The following TAFA3 variants were observed in gnomAD, a reference collection of about 807,000 sequenced individuals.
The protein encoded by TAFA3 is chemokine-like protein TAFA-3.
Under a neutral mutation model 20.7 loss-of-function variants are expected in TAFA3, and 17 were observed. The observed-to-expected ratio is 0.82, with a 90% CI of 0.56 to 1.23. The LOEUF (loss-of-function observed/expected upper bound fraction) is 1.23. Ranked by LOEUF, TAFA3 falls within the 50% of genes most tolerant of loss-of-function variation. TAFA3 has a pLI of 0.00. For missense variants in TAFA3, 174 were observed against 172.8 expected (o/e 1.01, Z -0.04); for synonymous variants, 74 against 71.8 (o/e 1.03, Z -0.16).
intron 4 of TAFA3, 63 bp from the exon 5 acceptor site, chr1:112,723,950 C>T (rs757460607): frequency 6.2e-7 from 1 of 1,613,598 alleles, no homozygotes; most frequent in Non-Finnish European, 8.5e-7. Context: ...CGCAGACCTG[C>T]TCTTGGCTGC....
chr1:112,725,473 C>G (rs1388684520), intron 5 of TAFA3, among the ~76,000 whole-genome samples: 3 of 151,662 alleles, frequency 2.0e-5, no homozygotes, highest in African/African-American at 7.3e-5. Flanking sequence ...CTACTTCTAC[C>G]TGAGCTCCAG....
chr1:112,724,816 CAAAAAAAAAAAAAA>C, intron 5 of TAFA3, among the ~76,000 whole-genome samples: 2 of 22,654 alleles, frequency 8.8e-5, no homozygotes, highest in Non-Finnish European at 1.4e-4. Context: ...ATTAGAGCAG[CAAAAAAAAAAAAAA>C]AAAAAAAAAA....
intron 4 of TAFA3, 39 bp from the exon 5 acceptor site, chr1:112,723,974 A>G: frequency 1.2e-6 from 2 of 1,613,772 alleles, no homozygotes; most frequent in South Asian, 2.2e-5. Flanking sequence ...CTGTGCTCGT[A>G]GAGACCCTAG....
At chr1:112,721,224 C>G (rs976647539) in intron 2 of TAFA3, among the ~76,000 whole-genome samples, 1 of 152,206 alleles carries the variant, frequency 6.6e-6, no homozygotes, top group African/African-American at 2.4e-5. Flanking sequence ...AACCAGTTTC[C>G]CTTTTGGATG....
intron 2 of TAFA3, 109 bp from the exon 3 acceptor site, chr1:112,722,116 AAGGTGTGC>A: frequency 3.0e-6 from 3 of 1,000,772 alleles, no homozygotes; most frequent in Non-Finnish European, 4.6e-6. Context: ...GCCTGGGGAC[AAGGTGTGC>A]CTCCTCCCCA....
rs755498640 is a variant in TAFA3, at chr1:112,723,134, C to A, written c.234C>A (p.Gly78=). Residue 78 remains glycine (G), a synonymous_variant, in exon 4 of 6, where the codon GGC becomes GGA. Transcript: ENST00000361886. ...KCSCFSGQVA[G]TTRAKPSCVD... ...CCTGTTTTTCTGGCCAGGTGGCCGG[C>A]ACCACGCGGGCAAAGCCCTCCTGCG... 3.3e-5 allele frequency: 53 copies of A among 1,613,248 alleles called. No homozygotes were observed. Among genetic ancestry groups the A allele is most frequent in the Non-Finnish European group, 4.3e-5 (51 of 1,179,854 alleles).
At chr1:112,721,389 T>C (rs1570851149) in intron 2 of TAFA3, among the ~76,000 whole-genome samples, 1 of 152,248 alleles carries the variant, frequency 6.6e-6, no homozygotes, top group South Asian at 2.1e-4. Flanking sequence ...AGTAGCACAG[T>C]CATAGATCAC....
chr1:112,726,803 T>C lies in TAFA3; in HGVS notation c.*163T>C. On this transcript the variant is annotated 3_prime_UTR_variant, in exon 6 of 6. Transcript: ENST00000361886. ...TTTCAGTTAAGCTGCTCAGCAGATA[T>C]GGATGGATCTGCAATCACATACCTA... The C allele has an allele frequency of 9.8e-7, 1 of 1,017,708 alleles. No individual in the cohort carries two copies. Among genetic ancestry groups the C allele is most frequent in the South Asian group, 1.5e-5 (1 of 65,946 alleles). The allele number at this position is 1,017,708 out of a possible 1,614,324, so 63.0% of individuals were successfully genotyped here.
At chr1:112,726,164 G>T (rs1464466032) in intron 5 of TAFA3, among the ~76,000 whole-genome samples, 1 of 152,054 alleles carries the variant, frequency 6.6e-6, no homozygotes, top group Non-Finnish European at 1.5e-5. Context: ...AAAAAAAATA[G>T]AGAAGGAAAG....
chr1:112,725,239 G>C (rs1221554909), intron 5 of TAFA3, among the ~76,000 whole-genome samples: 1 of 152,090 alleles, frequency 6.6e-6, no homozygotes, highest in Non-Finnish European at 1.5e-5. Context: ...CAGTGAGAGA[G>C]GGAGGGGAGC....
chr1:112,724,054 T>G lies in TAFA3; in HGVS notation c.307T>G (p.Cys103Gly). ...LQRWWCQMEP[C>G]LPGEECKVLP... ...GAGATGGTGGTGTCAGATGGAGCCCTGCCTGCCGGGGGAGGAGTGTAAGGT... is the reference window on the plus strand; with the variant it reads ...GAGATGGTGGTGTCAGATGGAGCCCGGCCTGCCGGGGGAGGAGTGTAAGGT... Residue 103 changes from cysteine (C) to glycine (G), a missense_variant, in exon 5 of 6, where the codon TGC (cysteine) becomes GGC (glycine). By Grantham distance (159) the Cys-to-Gly change is radical. Coordinates refer to ENST00000361886, the MANE Select transcript of TAFA3 (RefSeq NM_182759.3). The G allele has an allele frequency of 6.2e-7, 1 of 1,613,880 alleles. No homozygotes were observed. Among genetic ancestry groups the G allele is most frequent in the Non-Finnish European group, 8.5e-7 (1 of 1,179,972 alleles).
At chr1:112,726,519 G>A in intron 5 of TAFA3, 110 bp from the exon 6 acceptor site, 1 of 1,149,566 alleles carries the variant, frequency 8.7e-7, no homozygotes, top group Non-Finnish European at 1.3e-6. Flanking sequence ...AGGGTGAGAG[G>A]ATTGGCAGCA....
rs1479618746 is a variant in TAFA3 at position 112,724,052 on chromosome 1, C to T, written c.305C>T (p.Pro102Leu). Residue 102 changes from proline to leucine, a missense_variant, in exon 5 of 6, where the codon CCC becomes CTC. Physicochemically the swap from Pro to Leu is moderately conservative, Grantham distance 98. Transcript: ENST00000361886. ...VLQRWWCQME[P>L]CLPGEECKVL... ...CAGAGATGGTGGTGTCAGATGGAGCCCTGCCTGCCGGGGGAGGAGTGTAAG... is the reference window on the plus strand; with the variant it reads ...CAGAGATGGTGGTGTCAGATGGAGCTCTGCCTGCCGGGGGAGGAGTGTAAG... The T allele has an allele frequency of 9.3e-6, 15 of 1,613,694 alleles. No individual in the cohort carries two copies. Among genetic ancestry groups the T allele is most frequent in the African/African-American group, 1.3e-5 (1 of 74,894 alleles).
chr1:112,724,816 CAAAAAA>C, intron 5 of TAFA3, among the ~76,000 whole-genome samples: 355 of 22,688 alleles, frequency 0.016, 2 homozygotes, highest in African/African-American at 0.068. Flanking sequence ...ATTAGAGCAG[CAAAAAA>C]AAAAAAAAAA....
chr1:112,725,395 TA>T (rs35474012), intron 5 of TAFA3, among the ~76,000 whole-genome samples: 1,337 of 83,358 alleles, frequency 0.016, 8 homozygotes, highest in Non-Finnish European at 0.017. Flanking sequence ...GTTGAAATAT[TA>T]AAAAAAAAAA....
At chr1:112,720,521 G>C (rs543475854) in intron 1 of TAFA3, 56 bp from the exon 2 acceptor site, 15 of 152,502 alleles carry the variant, frequency 9.8e-5, no homozygotes, top group African/African-American at 3.6e-4. Context: ...CCCCTGCAGA[G>C]CCATCGGCTC....
chr1:112,720,921 C>T (rs1675312670), intron 2 of TAFA3, among the ~76,000 whole-genome samples: 1 of 152,164 alleles, frequency 6.6e-6, no homozygotes, highest in Admixed American at 6.5e-5. Flanking sequence ...TTCAGGGTAG[C>T]TTTGGGAGGC....
intron 4 of TAFA3, 162 bp from the exon 5 acceptor site, chr1:112,723,851 T>C: frequency 7.1e-7 from 1 of 1,409,226 alleles, no homozygotes; most frequent in East Asian, 2.3e-5. Context: ...TCAGGCTGAG[T>C]ACTGCCTCTC....
intron 2 of TAFA3, 101 bp from the exon 3 acceptor site, chr1:112,722,132 C>T (rs1219003686): frequency 8.1e-7 from 1 of 1,232,430 alleles, no homozygotes; most frequent in East Asian, 2.3e-5. Flanking sequence ...TGCCTCCTCC[C>T]CATCTTTGTG....
Sources: allele counts gnomAD v4.1 joint callset (sites outside exome capture counted in the v4.1 genomes callset), GRCh38; gene constraint gnomAD v4.1.1; transcripts MANE v1.5; gene names NCBI Gene and HGNC (gene_info 2026-07-23, HGNC 2026-07-21).